PRKDC: variants seen among roughly 807,000 people sequenced by gnomAD.
The protein encoded by PRKDC is DNA-dependent protein kinase catalytic subunit.
Under a neutral mutation model 486.9 loss-of-function variants are expected in PRKDC, and 82 were observed. That is an observed-to-expected ratio of 0.17 (90% confidence interval 0.14 to 0.20). PRKDC has a LOEUF of 0.20. Ranked by LOEUF, PRKDC falls within the 10% of genes least tolerant of loss-of-function variation. The probability of loss-of-function intolerance (pLI) is 1.00; values close to 1 mark genes in which losing one functional copy is unlikely to be tolerated. For synonymous variants in PRKDC, 1,895 were observed against 1,837.0 expected, an observed-to-expected ratio of 1.03 and a Z score of -0.81; for missense variants, 4,504 against 5,038.2, an observed-to-expected ratio of 0.89 and a Z score of 3.21.
intron 25 of PRKDC, among the ~76,000 whole-genome samples, chr8:47,908,468 G>T (rs2089833643): frequency 6.6e-6 from 1 of 152,118 alleles, no homozygotes; most frequent in South Asian, 2.1e-4. Flanking sequence ...ACACTTTTAT[G>T]TGTCTCCCTA....
In PRKDC at chr8:47,888,504, T is replaced by A. The variant is rs1015668146; in HGVS notation, c.4413+14A>T. The A allele has an allele frequency of 2.0e-6, 3 of 1,490,130 alleles. No homozygotes were observed. The allele number at this position is 1,490,130 out of a possible 1,614,324, so 92.3% of individuals were successfully genotyped here. On this transcript the variant is annotated intron_variant, in intron 34 of 85. Transcript: ENST00000314191. ...AAAGCTAAAATAAATGTAAAAACAA[T>A]AAGTTATAGTTACCTGAGACGGTAA...
intron 21 of PRKDC, among the ~76,000 whole-genome samples, chr8:47,922,517 AC>A (rs2090088324): frequency 6.6e-6 from 1 of 151,550 alleles, no homozygotes; most frequent in Admixed American, 6.6e-5. Flanking sequence ...TGTTGCCCAG[AC>A]TGGTCTCGAA....
chr8:47,941,319 T>C (rs1335593975), intron 10 of PRKDC, among the ~76,000 whole-genome samples: 1 of 151,992 alleles, frequency 6.6e-6, no homozygotes, highest in Non-Finnish European at 1.5e-5. Context: ...AGAGGGTGCC[T>C]CTCCTTGCCT....
intron 61 of PRKDC, among the ~76,000 whole-genome samples, chr8:47,829,230 T>G (rs2087808310): frequency 2.6e-5 from 4 of 152,270 alleles, no homozygotes; most frequent in Admixed American, 2.6e-4. Context: ...TGCTGCTTTT[T>G]GGGATCATGT....
rs1301328639 is a variant in PRKDC at position 47,811,386 on chromosome 8, TAGACCTGC to T, written c.9558-4068_9558-4061del. Among the ~76,000 whole-genome samples the T allele has an allele frequency of 1.3e-5, 2 of 152,170 alleles. 1 individual carries two copies. Among genetic ancestry groups the T allele is most frequent in the African/African-American group, 4.8e-5 (2 of 41,440 alleles). On this transcript the variant is annotated intron_variant, in intron 68 of 85. Coordinates refer to ENST00000314191, the MANE Select transcript of PRKDC (RefSeq NM_006904.7). ...AAAACTAACAAGAGTTCATCACAAG[TAGACCTGC>T]ATTACAAGAACTGCTAAACGAAGAT...
chr8:47,888,248 A>G (rs927636306), intron 34 of PRKDC, among the ~76,000 whole-genome samples: 6 of 152,088 alleles, frequency 3.9e-5, no homozygotes, highest in Admixed American at 2.0e-4. Context: ...CAGTTCCTAA[A>G]GTTTTTCAGA....
At chr8:47,900,832 G>C (rs1318296734) in intron 27 of PRKDC, among the ~76,000 whole-genome samples, 1 of 151,068 alleles carries the variant, frequency 6.6e-6, no homozygotes, top group African/African-American at 2.4e-5. Flanking sequence ...CTGGGCAACA[G>C]AGCAAGACTC....
In PRKDC at chr8:47,782,689, T is replaced by G; in HGVS notation, c.11176-91A>C. ...CAGAGTGGCTGTGAGCATTCCTCCG[T>G]GGGGCCGCCCTCTGAAGACAGTGCC... is the stretch of plus-strand genomic sequence containing the variant. On this transcript the variant is annotated intron_variant, in intron 78 of 85. Coordinates refer to ENST00000314191, the MANE Select transcript of PRKDC (RefSeq NM_006904.7). This position sits in a 1 kb window ranked among gnomAD's most constrained non-coding sequence, Gnocchi z 4.9. The G allele has an allele frequency of 7.2e-7, 1 of 1,390,298 alleles. No individual in the cohort carries two copies. The highest frequency in any genetic ancestry group is 1.3e-5 in the South Asian group (1 of 75,106). The allele number at this position is 1,390,298 out of a possible 1,614,324, so 86.1% of individuals were successfully genotyped here.
intron 29 of PRKDC, among the ~76,000 whole-genome samples, chr8:47,897,797 ATAG>A (rs1383743951): frequency 6.6e-6 from 1 of 152,272 alleles, no homozygotes; most frequent in Non-Finnish European, 1.5e-5. Context: ...TCGTAAGTTA[ATAG>A]TAGAATCTGG....
chr8:47,898,770 T>C (rs1177924646), intron 28 of PRKDC, among the ~76,000 whole-genome samples: 3 of 152,234 alleles, frequency 2.0e-5, no homozygotes, highest in African/African-American at 7.2e-5. Flanking sequence ...AAAACCCCTA[T>C]TTAAGACTGC....
chr8:47,849,329 G>A, intron 53 of PRKDC, 26 bp from the exon 54 acceptor site: 1 of 1,613,892 alleles, frequency 6.2e-7, no homozygotes, highest in Non-Finnish European at 8.5e-7. Flanking sequence ...ACTGGTGAGA[G>A]GAGGGCCGAG....
intron 52 of PRKDC, among the ~76,000 whole-genome samples, chr8:47,851,273 C>G (rs534360640): frequency 6.6e-6 from 1 of 152,302 alleles, no homozygotes; most frequent in Non-Finnish European, 1.5e-5. Flanking sequence ...TAACCTGCTC[C>G]ATTTATGGTG....
Position 47,881,487 on chromosome 8 carries a change from CA to C in PRKDC, c.4995del (p.His1665GlnfsTer24). 1.9e-6 allele frequency: 3 copies of C among 1,568,868 alleles called. No homozygotes were observed. Among genetic ancestry groups the C allele is most frequent in the Non-Finnish European group, 2.6e-6 (3 of 1,146,570 alleles). On this transcript the variant is annotated frameshift_variant, in exon 38 of 86. Coordinates refer to ENST00000314191, the MANE Select transcript of PRKDC (RefSeq NM_006904.7). LOFTEE classifies it high-confidence loss of function. ...GTTGTAAAGACTTCAGGGAATGAAC[CA>C]TGACTTGTATTAAAAGATACAGATG... ...IDSSVSFNTS[H>X]GSFPEVFTTY...
intron 56 of PRKDC, among the ~76,000 whole-genome samples, chr8:47,838,920 G>A (rs1284807712): frequency 1.3e-5 from 2 of 152,120 alleles, no homozygotes; most frequent in Non-Finnish European, 1.5e-5. Context: ...ACAGCATTTG[G>A]TCCATATGAC....
chr8:47,956,560 T>C (rs1469556173), intron 3 of PRKDC, among the ~76,000 whole-genome samples: 2 of 149,040 alleles, frequency 1.3e-5, no homozygotes, highest in African/African-American at 2.5e-5. Flanking sequence ...AAAAATTAGC[T>C]GGACATAGTG....
intron 7 of PRKDC, among the ~76,000 whole-genome samples, chr8:47,948,364 T>G (rs1589814146): frequency 6.6e-6 from 1 of 151,792 alleles, no homozygotes; most frequent in East Asian, 1.9e-4. Flanking sequence ...CACCTCAGCC[T>G]CCCAAAGTGC....
At chr8:47,950,464 A>G (rs530551110) in intron 7 of PRKDC, among the ~76,000 whole-genome samples, 1 of 151,284 alleles carries the variant, frequency 6.6e-6, no homozygotes, top group African/African-American at 2.4e-5. Context: ...TCTCTGCTAA[A>G]AATACAAAAA....
At chr8:47,833,796 A>AC (rs1254986502) in intron 59 of PRKDC, among the ~76,000 whole-genome samples, 6 of 151,430 alleles carry the variant, frequency 4.0e-5, no homozygotes, top group Non-Finnish European at 5.9e-5. Context: ...CCCTTCCTGC[A>AC]CCCCCAGCTC....
chr8:47,909,080 C>T (rs1252308239), intron 25 of PRKDC, among the ~76,000 whole-genome samples: 1 of 152,178 alleles, frequency 6.6e-6, no homozygotes, highest in Non-Finnish European at 1.5e-5. Context: ...CATCTCCCCC[C>T]AGCCCCCAGG....
Sources: gnomAD v4.1 joint callset for allele counts (sites outside exome capture counted in the v4.1 genomes callset) on GRCh38, gnomAD v4.1.1 for gene constraint, Gnocchi (gnomAD v3.1) non-coding constraint, MANE v1.5 for transcripts, NCBI Gene and HGNC (gene_info 2026-07-23, HGNC 2026-07-21) for gene names.